DNAH8: variants seen among roughly 807,000 people sequenced by gnomAD.
The protein encoded by DNAH8 is axonemal beta dynein heavy chain 8.
A neutral mutation model predicts 562.1 loss-of-function variants in DNAH8; 382 were observed. The ratio of observed to expected loss-of-function variants is 0.68; its 90% confidence interval spans 0.63 to 0.74. The LOEUF is 0.74. Among genes scored for constraint, DNAH8 ranks in the 30% least tolerant of loss-of-function variants. DNAH8 has a pLI of 0.00. For synonymous variants in DNAH8, 1,881 were observed against 1,919.4 expected, an observed-to-expected ratio of 0.98 and a Z score of 0.52; for missense variants, 5,203 against 5,620.4, an observed-to-expected ratio of 0.93 and a Z score of 2.37.
At chr6:38,738,073 G>T (rs1764244866) in intron 7 of DNAH8, 101 bp downstream of exon 7, 1 of 1,252,752 alleles carries the variant, frequency 8.0e-7, no homozygotes, top group Non-Finnish European at 1.1e-6. Context: ...TGTCTCCTTT[G>T]ACTTTCTTCC....
At chr6:39,028,945 C>T (rs1767484949) in intron 92 of DNAH8, among the ~76,000 whole-genome samples, 1 of 152,232 alleles carries the variant, frequency 6.6e-6, no homozygotes, top group African/African-American at 2.4e-5. Context: ...ATCTTACTGT[C>T]TTTCGTTCTA....
intron 43 of DNAH8, among the ~76,000 whole-genome samples, chr6:38,861,949 G>GTTTTTTTTTT (rs10677373): frequency 7.4e-5 from 10 of 134,676 alleles, no homozygotes; most frequent in East Asian, 2.3e-4. Context: ...TGAAAACCAG[G>GTTTTTTTTTT]TTTTTTTTTT....
At chr6:39,006,950 G>A (rs2150761832) in intron 88 of DNAH8, among the ~76,000 whole-genome samples, 1 of 152,258 alleles carries the variant, frequency 6.6e-6, no homozygotes, top group South Asian at 2.1e-4. Context: ...CTTCTCTCCT[G>A]TCTCATTGCA....
At chr6:38,848,592 C>T in intron 36 of DNAH8, 56 bp from the exon 37 acceptor site, 1 of 1,422,998 alleles carries the variant, frequency 7.0e-7, no homozygotes, top group Non-Finnish European at 9.8e-7. Context: ...TCGGTAAGGC[C>T]ATACTATTTT....
rs780957710 is a variant in DNAH8, at chr6:38,898,242, T to C, written c.8941-16T>C. On this transcript the variant is annotated splice_polypyrimidine_tract_variant and intron_variant, in intron 60 of 92. Transcript: ENST00000327475. Reference sequence around the variant, plus strand: ...GATCTTAAATATTATTTTTTTATCTTTCTCTCCACCCATAGATGCCATCCT... The same window carrying C: ...GATCTTAAATATTATTTTTTTATCTCTCTCTCCACCCATAGATGCCATCCT... 1 of 1,572,866 alleles carries C rather than the reference T, an allele frequency of 6.4e-7. No individual in the cohort carries two copies. Among genetic ancestry groups the C allele is most frequent in the Admixed American group, 2.0e-5 (1 of 50,140 alleles).
At chr6:38,737,783 T>C in intron 6 of DNAH8, 26 bp from the exon 7 acceptor site, 1 of 1,214,420 alleles carries the variant, frequency 8.2e-7, no homozygotes, top group Non-Finnish European at 1.1e-6. Flanking sequence ...TAAATTAGTA[T>C]TAAATGTCTT....
chr6:38,869,707 G>A (rs1002950973), intron 48 of DNAH8, among the ~76,000 whole-genome samples: 4 of 152,242 alleles, frequency 2.6e-5, no homozygotes, highest in East Asian at 1.9e-4. Flanking sequence ...TAAAATATCC[G>A]TTCTTTAATT....
chr6:38,856,612 C>T (rs1044711223), intron 41 of DNAH8, among the ~76,000 whole-genome samples: 2 of 152,176 alleles, frequency 1.3e-5, no homozygotes, highest in African/African-American at 4.8e-5. Context: ...CCATTGCTCA[C>T]TTCAGCCAGG....
rs3734612 is a variant in DNAH8 at position 38,929,272 on chromosome 6, C to A, written c.11119-239C>A. On this transcript the variant is annotated intron_variant, in intron 74 of 92. Transcript: ENST00000327475. ...TCTGACATTGCATCTGAGCAATGCC[C>A]CTTAACCCTCCTCTTTTGATCATAG... 0.64 allele frequency: 207,614 copies of A among 324,904 alleles called. 67,336 individuals carry two copies. The highest frequency in any genetic ancestry group is 0.77 in the African/African-American group (35,979 of 46,732). The allele number at this position is 324,904 out of a possible 1,614,324, so 20.1% of individuals were successfully genotyped here. A position where few individuals can be genotyped will look rare whatever the true frequency, so the allele number is the denominator to read the frequency against.
chr6:38,728,922 A>G (rs1483022180), intron 3 of DNAH8, among the ~76,000 whole-genome samples: 1 of 152,096 alleles, frequency 6.6e-6, no homozygotes, highest in African/African-American at 2.4e-5. Flanking sequence ...AGAGATACTC[A>G]TGGCCAGGTG....
At chr6:38,848,354 C>T (rs759158860) in intron 36 of DNAH8, among the ~76,000 whole-genome samples, 1 of 152,152 alleles carries the variant, frequency 6.6e-6, no homozygotes, top group African/African-American at 2.4e-5. Flanking sequence ...GGCATTTACT[C>T]CCAGAAGCAA....
In DNAH8 at chr6:38,737,987, A is replaced by G. The variant is rs747193577; in HGVS notation, c.1116+15A>G. The G allele has an allele frequency of 3.7e-6, 6 of 1,607,330 alleles. No homozygotes were observed. Among genetic ancestry groups the G allele is most frequent in the Non-Finnish European group, 2.5e-6 (3 of 1,176,638 alleles). The stretch of plus-strand genomic sequence containing the variant: ...AGATCGAACAGGTGAATTGACTCAA[A>G]CAATTGCATCTGGACTAGTAGTTTT... On this transcript the variant is annotated intron_variant, in intron 7 of 92. Transcript: ENST00000327475.
intron 66 of DNAH8, among the ~76,000 whole-genome samples, chr6:38,913,028 C>T (rs761924094): frequency 1.3e-5 from 2 of 152,148 alleles, no homozygotes; most frequent in African/African-American, 2.4e-5. Context: ...AGGCTGGTTT[C>T]GAACTGACCT....
At chr6:38,743,671 T>C (rs990160839) in intron 8 of DNAH8, among the ~76,000 whole-genome samples, 3 of 152,232 alleles carry the variant, frequency 2.0e-5, no homozygotes, top group Non-Finnish European at 4.4e-5. Context: ...CATAATGTTT[T>C]CAAGTTTCGT....
At chr6:38,797,436 A>G (rs1583031159) in intron 21 of DNAH8, among the ~76,000 whole-genome samples, 1 of 152,278 alleles carries the variant, frequency 6.6e-6, no homozygotes, top group East Asian at 1.9e-4. Flanking sequence ...GGGTTTGTGC[A>G]TGTTTTCTTC....
At chr6:38,756,500 T>A (rs35767740) in intron 10 of DNAH8, among the ~76,000 whole-genome samples, 14,125 of 152,034 alleles carry the variant, frequency 0.093, 832 homozygotes, top group East Asian at 0.22. Flanking sequence ...CAATATATAT[T>A]TAAATTTGCT....
intron 91 of DNAH8, among the ~76,000 whole-genome samples, chr6:39,014,200 C>T (rs533828023): frequency 3.3e-5 from 5 of 152,178 alleles, no homozygotes; most frequent in Middle Eastern, 3.4e-3. Context: ...TTATAAAGTC[C>T]GTAGCCTTTA....
intron 52 of DNAH8, among the ~76,000 whole-genome samples, chr6:38,874,069 T>TC (rs66810592): frequency 9.7e-4 from 1 of 1,034 alleles, no homozygotes; most frequent in Non-Finnish European, 2.1e-3. Context: ...TTTCTTTCTT[T>TC]TTCTTTCTTT....
chr6:38,789,575 T>G (rs919229235), intron 18 of DNAH8, among the ~76,000 whole-genome samples: 4 of 152,102 alleles, frequency 2.6e-5, no homozygotes, highest in African/African-American at 9.7e-5. Context: ...GTGATAAATA[T>G]GAAAAATGAA....
Sources: gnomAD v4.1 joint callset for allele counts (sites outside exome capture counted in the v4.1 genomes callset) on GRCh38, gnomAD v4.1.1 for gene constraint, MANE v1.5 for transcripts, NCBI Gene and HGNC (gene_info 2026-07-23, HGNC 2026-07-21) for gene names.